ASIC2: variants seen among roughly 807,000 people sequenced by gnomAD.
ASIC2 encodes acid sensing ion channel subunit 2, also known as acid-sensing ion channel 2.
In ASIC2, 25 loss-of-function variants were observed where a neutral mutation model predicts 57.3. The observed-to-expected ratio is 0.44, with a 90% CI of 0.32 to 0.61. The LOEUF (loss-of-function observed/expected upper bound fraction) is 0.61. Among genes scored for constraint, ASIC2 ranks in the 20% least tolerant of loss-of-function variants. The probability of loss-of-function intolerance (pLI) is 0.06; values close to 1 mark genes in which losing one functional copy is unlikely to be tolerated. For missense variants in ASIC2, 641 were observed against 738.1 expected, an observed-to-expected ratio of 0.87 and a Z score of 1.52; for synonymous variants, 319 against 307.5, an observed-to-expected ratio of 1.04 and a Z score of -0.39.
Position 33,168,615 on chromosome 17 carries a change from C to T in ASIC2, c.709-56548G>A, listed in dbSNP as rs115728190. Among the ~76,000 whole-genome samples the T allele has an allele frequency of 3.9e-3, 599 of 152,310 alleles. 8 individuals carry two copies. Among genetic ancestry groups the T allele is most frequent in the African/African-American group, 0.012 (481 of 41,568 alleles). On this transcript the variant is annotated intron_variant, in intron 1 of 9. Transcript: ENST00000225823. ...TTGCAAAGAACTTGGTGGAATTGTA[C>T]TTGTGTCCTAGGACTTTGTGGAAGG...
intron 1 of ASIC2, among the ~76,000 whole-genome samples, chr17:33,703,337 CTGTTGTTGTTGT>C (rs201321581): frequency 7.9e-6 from 1 of 127,374 alleles, no homozygotes; most frequent in African/African-American, 3.0e-5. Flanking sequence ...TTTTTTGTTG[CTGTTGTTGTTGT>C]TGTTGTTGTT....
intron 1 of ASIC2, among the ~76,000 whole-genome samples, chr17:33,448,889 G>C (rs113515764): frequency 3.3e-5 from 5 of 152,314 alleles, no homozygotes; most frequent in African/African-American, 1.2e-4. Flanking sequence ...CCTCTGTAGG[G>C]AAAACTTTGA....
At chr17:33,773,184 C>G (rs1164710601) in intron 1 of ASIC2, among the ~76,000 whole-genome samples, 1 of 152,040 alleles carries the variant, frequency 6.6e-6, no homozygotes, top group African/African-American at 2.4e-5. Flanking sequence ...GATTGAAAAT[C>G]TTTCAGAAAA....
intron 1 of ASIC2, among the ~76,000 whole-genome samples, chr17:33,638,588 T>A (rs1022494296): frequency 6.6e-6 from 1 of 152,042 alleles, no homozygotes; most frequent in African/African-American, 2.4e-5. Context: ...ACACAAACAT[T>A]TATTTGTCAT....
At chr17:33,712,635 G>GTTTTTTTT (rs1567695931) in intron 1 of ASIC2, among the ~76,000 whole-genome samples, 30 of 123,314 alleles carry the variant, frequency 2.4e-4, no homozygotes, top group African/African-American at 9.7e-4. Flanking sequence ...TACTCATATG[G>GTTTTTTTT]CTTTTTTTTT....
chr17:33,594,827 CA>C (rs61263575), intron 1 of ASIC2, among the ~76,000 whole-genome samples: 52,694 of 114,008 alleles, frequency 0.46, 9,727 homozygotes, highest in East Asian at 0.55. Context: ...GACTCCATTT[CA>C]AAAAAAAAAA....
intron 1 of ASIC2, among the ~76,000 whole-genome samples, chr17:33,331,192 GA>G (rs1446451333): frequency 6.6e-6 from 1 of 152,118 alleles, no homozygotes; most frequent in Non-Finnish European, 1.5e-5. Flanking sequence ...ATCTGAGGTG[GA>G]ACCATTTCAT....
chr17:34,095,199 AG>A (rs1252833801), intron 1 of ASIC2, among the ~76,000 whole-genome samples: 1 of 152,150 alleles, frequency 6.6e-6, no homozygotes, highest in Non-Finnish European at 1.5e-5. Context: ...AGACCATCAG[AG>A]GGTAGGGGAT....
chr17:33,298,135 C>T (rs922199197), upstream of ASIC2, among the ~76,000 whole-genome samples: 8 of 151,372 alleles, frequency 5.3e-5, no homozygotes, highest in Non-Finnish European at 1.2e-4. Flanking sequence ...TTATATTATA[C>T]TTTAAGTTTT....
intron 1 of ASIC2, among the ~76,000 whole-genome samples, chr17:33,667,924 C>T (rs930266569): frequency 3.9e-5 from 6 of 152,244 alleles, no homozygotes; most frequent in African/African-American, 1.4e-4. Flanking sequence ...AACCTCGTGA[C>T]CATTATCGGA....
At chr17:33,637,141 G>T (rs1906398520) in intron 1 of ASIC2, among the ~76,000 whole-genome samples, 2 of 151,918 alleles carry the variant, frequency 1.3e-5, no homozygotes, top group Non-Finnish European at 1.5e-5. Context: ...AAGCTCAGAG[G>T]CTAAATGATG....
At chr17:33,226,744 G>T (rs957499341) in intron 1 of ASIC2, among the ~76,000 whole-genome samples, 3 of 151,852 alleles carry the variant, frequency 2.0e-5, no homozygotes, top group African/African-American at 7.3e-5. Context: ...GAAAGAGTGG[G>T]CCCTAAGTAT....
At chr17:33,087,830 A>G (rs957181440) in intron 3 of ASIC2, among the ~76,000 whole-genome samples, 2 of 151,890 alleles carry the variant, frequency 1.3e-5, no homozygotes, top group Admixed American at 6.6e-5. Context: ...AAGTGCTGGG[A>G]TTACAGGCGT....
chr17:33,633,310 C>T (rs1183969481), intron 1 of ASIC2, among the ~76,000 whole-genome samples: 2 of 152,230 alleles, frequency 1.3e-5, no homozygotes, highest in African/African-American at 4.8e-5. Flanking sequence ...GACCAGGACA[C>T]CTGCTTCTCT....
chr17:34,117,215 G>A (rs1184564952), intron 1 of ASIC2, among the ~76,000 whole-genome samples: 2 of 152,078 alleles, frequency 1.3e-5, no homozygotes, highest in Non-Finnish European at 2.9e-5. Context: ...GGGAAGAGGA[G>A]AGAAAGATGA....
chr17:33,262,936 C>T (rs536761305), intron 1 of ASIC2, among the ~76,000 whole-genome samples: 8 of 152,236 alleles, frequency 5.3e-5, no homozygotes, highest in South Asian at 2.1e-4. Flanking sequence ...AGACATGCCA[C>T]GTCTCAGCCA....
rs765688526 is a variant in ASIC2, at chr17:34,047,506, C to CAAAAA, written c.555+108471_555+108472insTTTTT. On this transcript the variant is annotated intron_variant, in intron 1 of 9. Coordinates refer to the ASIC2 transcript ENST00000359872. Reference sequence around the variant, plus strand: ...TCTTAACATGATGTACACCTTTCTCCAGAAAAAAAAAAAAAAAAAAAAAAA... The same window carrying CAAAAA: ...TCTTAACATGATGTACACCTTTCTCCAAAAAAGAAAAAAAAAAAAAAAAAAAAAAA... Among the ~76,000 whole-genome samples the CAAAAA allele has an allele frequency of 1.6e-4, 11 of 68,326 alleles. 2 individuals carry two copies. Among genetic ancestry groups the CAAAAA allele is most frequent in the African/African-American group, 1.9e-4 (4 of 21,186 alleles). 44.8% of individuals were successfully genotyped at this position (68,326 alleles called of 152,430 possible).
At chr17:33,303,121 A>G (rs920331943) in intron 1 of ASIC2, among the ~76,000 whole-genome samples, 1 of 152,244 alleles carries the variant, frequency 6.6e-6, no homozygotes, top group East Asian at 1.9e-4. Flanking sequence ...TGTGCCACCC[A>G]GGTGGCAGAG....
chr17:34,145,293 G>A (rs1912386519), intron 1 of ASIC2, among the ~76,000 whole-genome samples: 1 of 152,154 alleles, frequency 6.6e-6, no homozygotes, highest in South Asian at 2.1e-4. Context: ...TTGGGAAATG[G>A]GGTGATTCTG....
Sources: gnomAD v4.1 joint callset for allele counts (sites outside exome capture counted in the v4.1 genomes callset) on GRCh38, gnomAD v4.1.1 for gene constraint, MANE v1.5 for transcripts, NCBI Gene and HGNC (gene_info 2026-07-23, HGNC 2026-07-21) for gene names.